Variants in GALNT7 observed in about 807,000 individuals in gnomAD.
The protein encoded by GALNT7 is polypeptide N-acetylgalactosaminyltransferase 7, also known as N-acetylgalactosaminyltransferase 7.
Under a neutral mutation model 82.1 loss-of-function variants are expected in GALNT7, and 60 were observed. That is an observed-to-expected ratio of 0.73 (90% CI 0.59 to 0.91). GALNT7 has a LOEUF of 0.91. GALNT7 is among the 40% of genes least tolerant of loss of function. The pLI is 0.00. For synonymous variants in GALNT7, 243 were observed against 275.1 expected (o/e 0.88, Z 1.15); for missense variants, 660 against 804.2 (o/e 0.82, Z 2.17).
At chr4:173,243,455 G>A (rs2126730135) in intron 1 of GALNT7, among the ~76,000 whole-genome samples, 1 of 152,296 alleles carries the variant, frequency 6.6e-6, no homozygotes, top group East Asian at 1.9e-4. Flanking sequence ...AGTTTGGGCT[G>A]TAGAGTGGAT....
chr4:173,178,044 T>TGC (rs778689846), intron 1 of GALNT7, among the ~76,000 whole-genome samples: 1,758 of 109,018 alleles, frequency 0.016, 17 homozygotes, highest in South Asian at 0.02. Flanking sequence ...TGTGTGTGTG[T>TGC]GTGTGTGTGC....
At chr4:173,275,891 T>C (rs978039710) in intron 2 of GALNT7, among the ~76,000 whole-genome samples, 1 of 152,144 alleles carries the variant, frequency 6.6e-6, no homozygotes, top group African/African-American at 2.4e-5. Flanking sequence ...GATAGGGATA[T>C]GGGCATGATG....
rs549529287 is a variant in GALNT7, at chr4:173,303,989, T to C, written c.1267-7T>C. 23 of 1,601,278 alleles carry C rather than the reference T, an allele frequency of 1.4e-5. No homozygotes were observed. The African/African-American group carries it at 1.5e-4, about 10-fold the overall frequency. ...AACAACTTTCACAACGTGTTTTTCC[T>C]TCATAGATATGGCAGTGTGGTGGCA... On this transcript the variant is annotated splice_polypyrimidine_tract_variant and splice_region_variant and intron_variant, in intron 7 of 11. Coordinates refer to ENST00000265000, the MANE Select transcript of GALNT7 (RefSeq NM_017423.3).
chr4:173,216,729 T>TATA (rs1561157905), intron 1 of GALNT7, among the ~76,000 whole-genome samples: 19 of 10,332 alleles, frequency 1.8e-3, no homozygotes, highest in African/African-American at 6.4e-3. Context: ...ATATATATAT[T>TATA]TTTTTTTTTT....
rs1323719420 is a variant in GALNT7, at chr4:173,276,615, G to C, written c.588-15493G>C. ...AAAAGATGTGATTATTGTACCACTA[G>C]CTATCCATCAGAGAGGGAGCTTGAG... On this transcript the variant is annotated intron_variant, in intron 2 of 11. Coordinates refer to ENST00000265000, the MANE Select transcript of GALNT7 (RefSeq NM_017423.3). Among the ~76,000 whole-genome samples the C allele has an allele frequency of 2.0e-5, 3 of 152,300 alleles. No individual in the cohort carries two copies. In the East Asian group the frequency reaches 5.8e-4, roughly 29 times the overall value.
chr4:173,174,314 T>C (rs1458954925), intron 1 of GALNT7, among the ~76,000 whole-genome samples: 1 of 152,248 alleles, frequency 6.6e-6, no homozygotes, highest in African/African-American at 2.4e-5. Flanking sequence ...AAGTGTCCTC[T>C]AAACCAAACA....
intron 1 of GALNT7, among the ~76,000 whole-genome samples, chr4:173,181,430 ATACTT>A (rs1322611473): frequency 1.3e-5 from 2 of 152,220 alleles, no homozygotes; most frequent in African/African-American, 4.8e-5. Flanking sequence ...AGAGAAAAAA[ATACTT>A]TAGTAAATAA....
intron 1 of GALNT7, among the ~76,000 whole-genome samples, chr4:173,224,806 A>G (rs560565133): frequency 3.3e-5 from 5 of 151,632 alleles, no homozygotes; most frequent in Non-Finnish European, 7.4e-5. Flanking sequence ...AGGTCAGGAG[A>G]TCCAGACCAT....
intron 2 of GALNT7, among the ~76,000 whole-genome samples, chr4:173,258,818 T>G (rs555604555): frequency 1.3e-5 from 2 of 152,340 alleles, no homozygotes; most frequent in Non-Finnish European, 2.9e-5. Context: ...TGTTCCAGTT[T>G]GCTACAGGAC....
intron 1 of GALNT7, among the ~76,000 whole-genome samples, chr4:173,225,269 A>C (rs1733789840): frequency 6.6e-6 from 1 of 152,032 alleles, no homozygotes. Context: ...ACATTTTTAT[A>C]ATTTTGTTAT....
At chr4:173,225,049 A>T (rs569303485) in intron 1 of GALNT7, among the ~76,000 whole-genome samples, 14 of 142,856 alleles carry the variant, frequency 9.8e-5, no homozygotes, top group African/African-American at 3.7e-4. Flanking sequence ...TAATAATAAT[A>T]ATTATAATTA....
chr4:173,236,007 G>A (rs1385098538), intron 1 of GALNT7, among the ~76,000 whole-genome samples: 1 of 152,186 alleles, frequency 6.6e-6, no homozygotes, highest in South Asian at 2.1e-4. Context: ...TTGTATCTCT[G>A]TAACCTGGTA....
intron 1 of GALNT7, among the ~76,000 whole-genome samples, chr4:173,195,653 T>C (rs1732751826): frequency 6.6e-6 from 1 of 152,226 alleles, no homozygotes; most frequent in South Asian, 2.1e-4. Context: ...CTTACCTGGC[T>C]AATCTTCTTG....
At chr4:173,241,315 C>T (rs544914510) in intron 1 of GALNT7, among the ~76,000 whole-genome samples, 9 of 151,882 alleles carry the variant, frequency 5.9e-5, no homozygotes, top group East Asian at 5.8e-4. Context: ...AGGCAAATCA[C>T]GAAATTATAC....
chr4:173,273,679 AG>A (rs1735805711), intron 2 of GALNT7, among the ~76,000 whole-genome samples: 1 of 152,196 alleles, frequency 6.6e-6, no homozygotes, highest in Admixed American at 6.5e-5. Flanking sequence ...CTGTGCACAC[AG>A]GAGCCCTTGA....
intron 1 of GALNT7, among the ~76,000 whole-genome samples, chr4:173,245,048 A>G (rs575453409): frequency 6.6e-6 from 1 of 152,250 alleles, no homozygotes; most frequent in Admixed American, 6.5e-5. Context: ...GAGTTCAGAA[A>G]GGTGATACGG....
At chr4:173,262,261 A>G (rs191116106) in intron 2 of GALNT7, among the ~76,000 whole-genome samples, 1 of 152,332 alleles carries the variant, frequency 6.6e-6, no homozygotes, top group Admixed American at 6.5e-5. Flanking sequence ...TTAAAAAAGT[A>G]GCTGCAATAT....
intron 1 of GALNT7, among the ~76,000 whole-genome samples, chr4:173,219,781 G>A (rs886291917): frequency 6.6e-6 from 1 of 151,930 alleles, no homozygotes; most frequent in Non-Finnish European, 1.5e-5. Context: ...TTGGCCATTT[G>A]TGTATCTTCT....
rs922355312 is a variant in GALNT7, at chr4:173,320,557, G to A, written c.1837-1023G>A. 6.6e-6 allele frequency among the ~76,000 whole-genome samples: 1 copy of A among 151,988 alleles called. No individual in the cohort carries two copies. The highest frequency in any genetic ancestry group is 2.4e-5 in the African/African-American group (1 of 41,394). On this transcript the variant is annotated intron_variant, in intron 11 of 11. Transcript: ENST00000265000. This position sits in a 1 kb window ranked among gnomAD's most constrained non-coding sequence, Gnocchi z 4.1. ...TGGTCTGATCTGAAATGTTGTTTTC[G>A]TTCAAGTATATGAGGGAAACCCAGC...
Sources: allele counts gnomAD v4.1 joint callset (sites outside exome capture counted in the v4.1 genomes callset), GRCh38; gene constraint gnomAD v4.1.1; non-coding constraint Gnocchi (gnomAD v3.1); transcripts MANE v1.5; gene names NCBI Gene and HGNC (gene_info 2026-07-23, HGNC 2026-07-21).